MYH16: variants seen among roughly 807,000 people sequenced by gnomAD.
The protein encoded by MYH16 is myosin heavy chain 16, also known as putative uncharacterized protein MYH16.
chr7:99,261,117 T>G (rs550601669), intron 12 of MYH16: 1 of 151,536 alleles, frequency 6.6e-6, no homozygotes, highest in African/African-American at 2.4e-5. Context: ...CAGGTGGCAT[T>G]GACTTCCCCA....
chr7:99,275,395 CAGG>C (rs1375508888), intron 20 of MYH16, among the ~76,000 whole-genome samples: 1 of 152,216 alleles, frequency 6.6e-6, no homozygotes, highest in African/African-American at 2.4e-5. Context: ...CCAGGAATTA[CAGG>C]CGTGAGCCAC....
rs201230482 is a variant in MYH16 at position 99,302,317 on chromosome 7, T to TACACACACAC, written n.5137+551_5137+560dup. Among the ~76,000 whole-genome samples, 76 of 95,568 alleles carry TACACACACAC rather than the reference T, an allele frequency of 8.0e-4. 1 individual carries two copies. The highest frequency in any genetic ancestry group is 9.0e-4 in the Non-Finnish European group (46 of 50,836). 62.7% of individuals were successfully genotyped at this position (95,568 alleles called of 152,430 possible). ...ACCATCTCAAAAAAAAAAAAATATA[T>TACACACACAC]ACACACACACACACACACACACACA... On this transcript the variant is annotated intron_variant and non_coding_transcript_variant, in intron 38 of 41. Transcript: ENST00000439784.
chr7:99,290,533 C>T lies in MYH16; in HGVS notation n.3825-790C>T, dbSNP rs1792356253. ...ATCAATATCCAGCCGTGTGCAGTGG[C>T]TCATGCCTGTAATCCCAGCACTTTG... On this transcript the variant is annotated intron_variant and non_coding_transcript_variant, in intron 30 of 41. Transcript: ENST00000439784. 2.7e-5 allele frequency among the ~76,000 whole-genome samples: 4 copies of T among 149,188 alleles called. No individual in the cohort carries two copies. In the South Asian group the frequency reaches 8.5e-4, roughly 32 times the overall value.
At chr7:99,256,001 C>G (rs71567542) in intron 9 of MYH16, among the ~76,000 whole-genome samples, 1 of 152,162 alleles carries the variant, frequency 6.6e-6, no homozygotes, top group Non-Finnish European at 1.5e-5. Context: ...CCAACACACT[C>G]TCTGGCTCCT....
rs771478357 is a variant in MYH16 at position 99,273,338 on chromosome 7, G to T, written n.2404-4G>T. On this transcript the variant is annotated splice_polypyrimidine_tract_variant and splice_region_variant and intron_variant and non_coding_transcript_variant, in intron 19 of 41. Coordinates refer to ENST00000439784, the Ensembl canonical transcript of MYH16. ...ACCCACTCAACCCTGGATTCTTTTC[G>T]CAGAATGGGCCTGAAAGTCATTCAG... 123 of 456,674 alleles carry T rather than the reference G, an allele frequency of 2.7e-4. No individual in the cohort carries two copies. Among genetic ancestry groups the T allele is most frequent in the Non-Finnish European group, 4.5e-4 (102 of 226,988 alleles). 28.3% of individuals were successfully genotyped at this position (456,674 alleles called of 1,614,324 possible). A position where few individuals can be genotyped will look rare whatever the true frequency, so the allele number is the denominator to read the frequency against.
At chr7:99,268,528 G>A (rs1259050130) in intron 18 of MYH16, among the ~76,000 whole-genome samples, 8 of 152,234 alleles carry the variant, frequency 5.3e-5, no homozygotes, top group Admixed American at 2.6e-4. Flanking sequence ...ACTGCATCTT[G>A]CTGTTGTACA....
chr7:99,294,500 C>CAAAA (rs1159682450), intron 33 of MYH16, among the ~76,000 whole-genome samples: 8 of 25,552 alleles, frequency 3.1e-4, no homozygotes, highest in African/African-American at 7.3e-4. Context: ...GACCCTGTCT[C>CAAAA]AAAAAAAAAA....
chr7:99,242,858 A>G (rs1248605985), intron 1 of MYH16, among the ~76,000 whole-genome samples: 1 of 152,172 alleles, frequency 6.6e-6, no homozygotes, highest in Non-Finnish European at 1.5e-5. Flanking sequence ...CAAGGCAGAG[A>G]GCCAAGAGTC....
chr7:99,249,634 C>T (rs1192698552), intron 4 of MYH16, among the ~76,000 whole-genome samples: 1 of 129,550 alleles, frequency 7.7e-6, no homozygotes, highest in Non-Finnish European at 1.5e-5. Context: ...GGCTGGAGTG[C>T]AGCCTCCACC....
At chr7:99,266,089 G>A (rs1343274412) in intron 17 of MYH16, among the ~76,000 whole-genome samples, 1 of 152,174 alleles carries the variant, frequency 6.6e-6, no homozygotes, top group Non-Finnish European at 1.5e-5. Flanking sequence ...TCAGACAGCA[G>A]TGTGTTGGTA....
intron 21 of MYH16, among the ~76,000 whole-genome samples, 187 bp downstream of exon 3, chr7:99,277,899 G>A (rs1231756456): frequency 7.3e-6 from 1 of 136,408 alleles, no homozygotes; most frequent in Non-Finnish European, 1.5e-5. Context: ...GTGTGTGTGT[G>A]TGTGTGTGTG....
rs1792067806 is a variant in MYH16, at chr7:99,273,030, A to AGATCC, written n.2404-312_2404-311insGATCC. On this transcript the variant is annotated intron_variant and non_coding_transcript_variant, in intron 19 of 41. The change abolishes the stop of an existing upstream ORF in the 5' untranslated region. Coordinates refer to ENST00000439784, the Ensembl canonical transcript of MYH16. ...TGCAGATCCATGGGATTTGGAGACT[A>AGATCC]ATGGGTGATTTCTGGTGGAGGAGGG... Among the ~76,000 whole-genome samples the AGATCC allele has an allele frequency of 6.6e-6, 1 of 152,158 alleles. No individual in the cohort carries two copies. The highest frequency in any genetic ancestry group is 1.5e-5 in the Non-Finnish European group (1 of 68,026).
At chr7:99,267,753 C>T (rs1792002196) in intron 18 of MYH16, among the ~76,000 whole-genome samples, 2 of 152,200 alleles carry the variant, frequency 1.3e-5, no homozygotes, top group African/African-American at 4.8e-5. Flanking sequence ...CCTGCAGCAT[C>T]CTGGTGGGGT....
Position 99,294,164 on chromosome 7 carries a change from A to G in MYH16, n.4282+14A>G. 2.2e-6 allele frequency: 1 copy of G among 454,212 alleles called. No individual in the cohort carries two copies. The highest frequency in any genetic ancestry group is 2.0e-5 in the African/African-American group (1 of 50,042). The allele number at this position is 454,212 out of a possible 1,614,324, so 28.1% of individuals were successfully genotyped here. A position where few individuals can be genotyped will look rare whatever the true frequency, so the allele number is the denominator to read the frequency against. On this transcript the variant is annotated intron_variant and non_coding_transcript_variant, in intron 33 of 41. Transcript: ENST00000439784. ...GACTTGGAGAAGGTCAGAGAGTCAA[A>G]TGCTCAAAGCTGCCTATTTACCGGG...
intron 22 of MYH16, 141 bp downstream of exon 4, chr7:99,279,878 T>C (rs1331370785): frequency 2.8e-6 from 1 of 355,944 alleles, no homozygotes; most frequent in Non-Finnish European, 5.5e-6. Flanking sequence ...TTTGTTTGTT[T>C]GTTTTGCGAC....
At chr7:99,292,960 T>TA (rs35832231) in intron 32 of MYH16, among the ~76,000 whole-genome samples, 112 of 143,386 alleles carry the variant, frequency 7.8e-4, no homozygotes, top group Middle Eastern at 3.6e-3. Context: ...ATCCTGTCTC[T>TA]AAAAAAAAAA....
At chr7:99,279,563 C>T (rs781533389) in exon 22 of MYH16, 10 of 456,396 alleles carry the variant, frequency 2.2e-5, no homozygotes, top group South Asian at 1.2e-4. Context: ...TGATGAAGAC[C>T]AAGATGGATC....
chr7:99,291,019 C>T (rs1347639192), intron 30 of MYH16: 1 of 173,072 alleles, frequency 5.8e-6, no homozygotes, highest in African/African-American at 2.4e-5. Flanking sequence ...AATACTGTGT[C>T]CCACTGTTTC....
chr7:99,242,783 A>C (rs553520114), intron 1 of MYH16, among the ~76,000 whole-genome samples: 1 of 152,160 alleles, frequency 6.6e-6, no homozygotes, highest in Non-Finnish European at 1.5e-5. Flanking sequence ...TACTGCACTT[A>C]GTCTTTAAAA....
Sources: gnomAD v4.1 joint callset for allele counts (sites outside exome capture counted in the v4.1 genomes callset) on GRCh38, gnomAD v4.1.1 for gene constraint, MANE v1.5 for transcripts, NCBI Gene and HGNC (gene_info 2026-07-23, HGNC 2026-07-21) for gene names.